PARN: variants seen among roughly 807,000 people sequenced by gnomAD.
PARN encodes poly(A)-specific ribonuclease.
In PARN, 71 loss-of-function variants were observed where a neutral mutation model predicts 102.8. That is an observed-to-expected ratio of 0.69 (90% confidence interval 0.57 to 0.84). The LOEUF (loss-of-function observed/expected upper bound fraction) is 0.84, where lower values mean the gene tolerates loss of function less well. PARN is among the 40% of genes least tolerant of loss of function. PARN has a pLI of 0.00. For synonymous variants in PARN, 261 were observed against 252.9 expected, an observed-to-expected ratio of 1.03 and a Z score of -0.30; for missense variants, 782 against 760.9, an observed-to-expected ratio of 1.03 and a Z score of -0.33.
At chr16:14,446,549 A>G (rs1961206456) in intron 23 of PARN, among the ~76,000 whole-genome samples, 1 of 152,182 alleles carries the variant, frequency 6.6e-6, no homozygotes, top group East Asian at 1.9e-4. Flanking sequence ...AATAACATGT[A>G]GGAGGGGCCT....
chr16:14,561,649 C>T (rs1489010129), intron 18 of PARN, among the ~76,000 whole-genome samples: 4 of 152,008 alleles, frequency 2.6e-5, no homozygotes, highest in Admixed American at 6.6e-5. Context: ...CCTGTCTTTA[C>T]AAAAAGTAAA....
At chr16:14,552,323 A>T (rs1480069271) in intron 20 of PARN, among the ~76,000 whole-genome samples, 2 of 152,196 alleles carry the variant, frequency 1.3e-5, no homozygotes, top group Admixed American at 1.3e-4. Flanking sequence ...CAGGGGGAAA[A>T]GACGCTATTA....
intron 14 of PARN, among the ~76,000 whole-genome samples, chr16:14,586,097 A>G (rs1400417681): frequency 6.7e-6 from 1 of 149,810 alleles, no homozygotes; most frequent in Non-Finnish European, 1.5e-5. Context: ...CGCCCACTTC[A>G]GCCTCCTGAG....
chr16:14,467,303 A>G lies in PARN; in HGVS notation c.1670+15335T>C, dbSNP rs557646766. Among the ~76,000 whole-genome samples the G allele has an allele frequency of 2.0e-4, 30 of 152,328 alleles. No homozygotes were observed. The East Asian group carries it at 2.9e-3, about 15-fold the overall frequency. On this transcript the variant is annotated intron_variant, in intron 22 of 23. Coordinates refer to ENST00000437198, the MANE Select transcript of PARN (RefSeq NM_002582.4). ...ACCTGATAGGCTGCTCATCACATGGAGAATGTCATTTCAGCCCCCCTCAGA... is the reference window on the plus strand; with the variant it reads ...ACCTGATAGGCTGCTCATCACATGGGGAATGTCATTTCAGCCCCCCTCAGA...
At chr16:14,503,466 C>T (rs1964727042) in intron 21 of PARN, among the ~76,000 whole-genome samples, 1 of 152,216 alleles carries the variant, frequency 6.6e-6, no homozygotes, top group Non-Finnish European at 1.5e-5. Flanking sequence ...GCAGCCTAAG[C>T]TGAGAAGGTG....
In PARN at chr16:14,624,703, G is replaced by A. The variant is rs183308984; in HGVS notation, c.327+2403C>T. Among the ~76,000 whole-genome samples, 137 of 152,318 alleles carry A rather than the reference G, an allele frequency of 9.0e-4. 1 individual carries two copies. Among genetic ancestry groups the A allele is most frequent in the African/African-American group, 3.2e-3 (133 of 41,576 alleles). ...GGAGGCCAAAGTGGGAGGATCACCT[G>A]AGGTCAGGAGTTTGAGACCAGCCCG... is the stretch of plus-strand genomic sequence containing the variant. On this transcript the variant is annotated intron_variant, in intron 5 of 23. Transcript: ENST00000437198.
intron 21 of PARN, among the ~76,000 whole-genome samples, chr16:14,497,370 C>A (rs1234413777): frequency 6.6e-6 from 1 of 152,190 alleles, no homozygotes; most frequent in Non-Finnish European, 1.5e-5. Flanking sequence ...CTGCGTGTAA[C>A]TGAAGCACTG....
intron 21 of PARN, among the ~76,000 whole-genome samples, chr16:14,516,651 T>C (rs1213784091): frequency 6.6e-6 from 1 of 152,228 alleles, no homozygotes; most frequent in Non-Finnish European, 1.5e-5. Flanking sequence ...TACTTTCAAG[T>C]ACAAAGGCTT....
At chr16:14,452,314 T>A (rs1397088875) in intron 22 of PARN, among the ~76,000 whole-genome samples, 1 of 152,230 alleles carries the variant, frequency 6.6e-6, no homozygotes, top group African/African-American at 2.4e-5. Context: ...GGTTCTTGTT[T>A]CTATGGAACA....
intron 22 of PARN, among the ~76,000 whole-genome samples, chr16:14,479,838 T>C (rs1963279910): frequency 6.6e-6 from 1 of 151,908 alleles, no homozygotes; most frequent in African/African-American, 2.4e-5. Flanking sequence ...AAACCCTGAT[T>C]TCCATATCTT....
At chr16:14,625,844 T>C (rs547908216) in intron 5 of PARN, among the ~76,000 whole-genome samples, 92 of 152,200 alleles carry the variant, frequency 6.0e-4, no homozygotes, top group Non-Finnish European at 1.1e-3. Context: ...TTCATGTTTT[T>C]AGTGGGAGAG....
chr16:14,535,903 G>A lies in PARN; in HGVS notation c.1480+16118C>T, dbSNP rs560838161. On this transcript the variant is annotated intron_variant, in intron 21 of 23. Transcript: ENST00000437198. Reference sequence around the variant, plus strand: ...GGAGTCTCGGAATGTATCCTCCATGGATAAGGAGGGACTACTGTACTCTGC... The same window carrying A: ...GGAGTCTCGGAATGTATCCTCCATGAATAAGGAGGGACTACTGTACTCTGC... 2.6e-5 allele frequency among the ~76,000 whole-genome samples: 4 copies of A among 152,216 alleles called. No individual in the cohort carries two copies. The East Asian group carries it at 5.8e-4, about 22-fold the overall frequency.
chr16:14,476,350 C>T (rs1764746999), intron 22 of PARN, among the ~76,000 whole-genome samples: 1 of 152,182 alleles, frequency 6.6e-6, no homozygotes, highest in African/African-American at 2.4e-5. Flanking sequence ...GGACTAGCAA[C>T]ATTTCAAGCA....
intron 3 of PARN, among the ~76,000 whole-genome samples, 184 bp from the exon 4 acceptor site, chr16:14,627,520 C>T (rs1159690253): frequency 6.6e-6 from 1 of 152,124 alleles, no homozygotes. Flanking sequence ...TAATACTTTT[C>T]CCATTTAAGG....
chr16:14,532,255 T>C (rs896396525), intron 21 of PARN, among the ~76,000 whole-genome samples: 1 of 149,508 alleles, frequency 6.7e-6, no homozygotes, highest in Non-Finnish European at 1.5e-5. Context: ...AGGACAATAG[T>C]GAAGGGAAGG....
intron 18 of PARN, among the ~76,000 whole-genome samples, chr16:14,580,263 C>A (rs1344862148): frequency 6.6e-6 from 1 of 151,858 alleles, no homozygotes; most frequent in Non-Finnish European, 1.5e-5. Flanking sequence ...AGCCACCGCG[C>A]CTGGCCAGGA....
chr16:14,586,177 T>C (rs1451884647), intron 14 of PARN, 141 bp downstream of exon 14: 5 of 594,706 alleles, frequency 8.4e-6, no homozygotes, highest in East Asian at 2.9e-5. Flanking sequence ...GGTTTCACTA[T>C]GTTGCCCAGG....
rs182461714 is a variant in PARN at position 14,597,570 on chromosome 16, G to A, written c.840+2334C>T. Reference sequence around the variant, plus strand: ...AAATTAGCCTGGTGTGGTGGCAGGCGCCTGTAGTCCCAGCTACTCAGGAGG... The same window carrying A: ...AAATTAGCCTGGTGTGGTGGCAGGCACCTGTAGTCCCAGCTACTCAGGAGG... On this transcript the variant is annotated intron_variant, in intron 12 of 23. Coordinates refer to ENST00000437198, the MANE Select transcript of PARN (RefSeq NM_002582.4). Among the ~76,000 whole-genome samples the A allele has an allele frequency of 3.9e-5, 6 of 152,126 alleles. No individual in the cohort carries two copies. In the East Asian group the frequency reaches 7.8e-4, roughly 20 times the overall value.
chr16:14,500,827 G>A (rs1964548698), intron 21 of PARN, among the ~76,000 whole-genome samples: 1 of 152,150 alleles, frequency 6.6e-6, no homozygotes, highest in African/African-American at 2.4e-5. Context: ...TGAGCTCACA[G>A]ATAGTACCCT....
Sources: gnomAD v4.1 joint callset for allele counts (sites outside exome capture counted in the v4.1 genomes callset) on GRCh38, gnomAD v4.1.1 for gene constraint, MANE v1.5 for transcripts, NCBI Gene and HGNC (gene_info 2026-07-23, HGNC 2026-07-21) for gene names.